JARID2: variants seen among roughly 807,000 people sequenced by gnomAD.
JARID2 encodes jumonji and AT-rich interaction domain containing 2.
A neutral mutation model predicts 125.6 loss-of-function variants in JARID2; 21 were observed. The ratio of observed to expected loss-of-function variants is 0.17; its 90% CI spans 0.12 to 0.24. JARID2 has a LOEUF of 0.24. JARID2 is among the 10% of genes least tolerant of loss of function. The pLI is 1.00. For synonymous variants in JARID2, 736 were observed against 661.6 expected (o/e 1.11, Z -1.73); for missense variants, 1,303 against 1,639.6 (o/e 0.79, Z 3.55).
chr6:15,258,747 A>C (rs986219648), intron 1 of JARID2, among the ~76,000 whole-genome samples: 6 of 152,174 alleles, frequency 3.9e-5, no homozygotes, highest in Non-Finnish European at 7.3e-5. Flanking sequence ...GCGCCACTGC[A>C]CTCCAGCCTG....
At chr6:15,301,567 AT>A (rs1296816839) in intron 1 of JARID2, among the ~76,000 whole-genome samples, 1 of 152,192 alleles carries the variant, frequency 6.6e-6, no homozygotes, top group African/African-American at 2.4e-5. Flanking sequence ...TGAAATGAGT[AT>A]TGTTGACCAC....
chr6:15,428,943 A>ACCCC (rs1484801194), intron 3 of JARID2, among the ~76,000 whole-genome samples: 125 of 127,148 alleles, frequency 9.8e-4, no homozygotes, highest in African/African-American at 3.1e-3. Context: ...CCCCCCCCAA[A>ACCCC]AAAAAAAAAA....
At chr6:15,363,341 G>A (rs1763865230) in intron 1 of JARID2, among the ~76,000 whole-genome samples, 1 of 152,104 alleles carries the variant, frequency 6.6e-6, no homozygotes, top group Admixed American at 6.5e-5. Context: ...AAAGGAGGCT[G>A]TGCACAGTGT....
At chr6:15,367,548 C>G in intron 1 of JARID2, among the ~76,000 whole-genome samples, 1 of 152,334 alleles carries the variant, frequency 6.6e-6, no homozygotes, top group East Asian at 1.9e-4. Context: ...GCTACTAACA[C>G]ATTTCTGAGT....
intron 1 of JARID2, among the ~76,000 whole-genome samples, chr6:15,258,496 G>T (rs940422518): frequency 1.3e-5 from 2 of 152,142 alleles, no homozygotes. Flanking sequence ...TATGAACTGT[G>T]ACTATAGCCG....
intron 1 of JARID2, among the ~76,000 whole-genome samples, chr6:15,313,927 T>C (rs1018967258): frequency 2.0e-5 from 3 of 152,156 alleles, no homozygotes; most frequent in African/African-American, 7.2e-5. Flanking sequence ...AATATCCTTA[T>C]ACCTTCTGCT....
At chr6:15,412,877 T>G (rs1392158457) in intron 3 of JARID2, among the ~76,000 whole-genome samples, 1 of 152,194 alleles carries the variant, frequency 6.6e-6, no homozygotes, top group Non-Finnish European at 1.5e-5. Flanking sequence ...GATGAGAAGT[T>G]GAGCCTAAAG....
At chr6:15,299,573 GA>G (rs1173737924) in intron 1 of JARID2, among the ~76,000 whole-genome samples, 2 of 152,194 alleles carry the variant, frequency 1.3e-5, no homozygotes, top group Admixed American at 6.5e-5. Context: ...GGCCTGCGTT[GA>G]GAACTGCTGG....
At position 15,411,853 on chromosome 6, in the gene JARID2, G is replaced by GA. The variant is rs542848534; in HGVS notation, c.323+1489dup. On this transcript the variant is annotated intron_variant, in intron 3 of 17. Coordinates refer to ENST00000341776, the MANE Select transcript of JARID2 (RefSeq NM_004973.4). ...GGCCATCACCCTCACTTCTGGCTGA[G>GA]AGCTGGTCAGCATCCGGGTGCAGTG... Among the ~76,000 whole-genome samples, 7 of 152,290 alleles carry GA rather than the reference G, an allele frequency of 4.6e-5. 1 individual carries two copies. In the South Asian group the frequency reaches 1.5e-3, roughly 32 times the overall value.
At chr6:15,300,260 A>C (rs1293902551) in intron 1 of JARID2, among the ~76,000 whole-genome samples, 1 of 152,222 alleles carries the variant, frequency 6.6e-6, no homozygotes, top group Non-Finnish European at 1.5e-5. Context: ...GTAAACACTT[A>C]AAAACCTCTA....
At chr6:15,470,161 A>G (rs1482985414) in intron 5 of JARID2, among the ~76,000 whole-genome samples, 2 of 142,356 alleles carry the variant, frequency 1.4e-5, no homozygotes, top group African/African-American at 2.7e-5. Flanking sequence ...TGGGCGACAG[A>G]GCGAGACTCT....
At chr6:15,514,130 A>G (rs1771430717) in intron 16 of JARID2, among the ~76,000 whole-genome samples, 1 of 151,810 alleles carries the variant, frequency 6.6e-6, no homozygotes, top group Admixed American at 6.6e-5. Context: ...GTTCCAGCCC[A>G]GAGGTGGGCT....
chr6:15,292,165 C>T (rs11759828), intron 1 of JARID2, among the ~76,000 whole-genome samples: 5,314 of 151,952 alleles, frequency 0.035, 145 homozygotes, highest in South Asian at 0.11. Context: ...CACAGACGCC[C>T]GCCACCTCGC....
chr6:15,381,341 CAAAAAA>C (rs11358363), intron 2 of JARID2, among the ~76,000 whole-genome samples: 1 of 92,976 alleles, frequency 1.1e-5, no homozygotes, highest in African/African-American at 4.3e-5. Flanking sequence ...ACTCCTGTCT[CAAAAAA>C]AAAAAAAAAA....
chr6:15,283,407 C>T (rs1211354701), intron 1 of JARID2, among the ~76,000 whole-genome samples: 3 of 143,652 alleles, frequency 2.1e-5, no homozygotes, highest in Admixed American at 7.1e-5. Context: ...ATAGCGTGAT[C>T]GCGGCTTACT....
chr6:15,355,793 G>A (rs994463044), intron 1 of JARID2, among the ~76,000 whole-genome samples: 6 of 152,188 alleles, frequency 3.9e-5, no homozygotes, highest in Non-Finnish European at 8.8e-5. Flanking sequence ...TGTATTTTTA[G>A]TAGAGACGGG....
chr6:15,281,921 G>GCT (rs898214244), intron 1 of JARID2, among the ~76,000 whole-genome samples: 3 of 129,078 alleles, frequency 2.3e-5, no homozygotes, highest in East Asian at 2.3e-4. Flanking sequence ...CAGGGTATGT[G>GCT]CTCTGTGTGT....
intron 4 of JARID2, among the ~76,000 whole-genome samples, chr6:15,453,529 G>C (rs1768014225): frequency 6.6e-6 from 1 of 152,150 alleles, no homozygotes; most frequent in African/African-American, 2.4e-5. Flanking sequence ...GACTGTGGTG[G>C]GCCTGTTAGG....
intron 3 of JARID2, among the ~76,000 whole-genome samples, chr6:15,451,511 A>G (rs1014443801): frequency 1.3e-5 from 2 of 152,228 alleles, no homozygotes; most frequent in African/African-American, 4.8e-5. Flanking sequence ...CGACAGGGAC[A>G]CTGATGGCTA....
Sources: allele counts gnomAD v4.1 joint callset (sites outside exome capture counted in the v4.1 genomes callset), GRCh38; gene constraint gnomAD v4.1.1; transcripts MANE v1.5; gene names NCBI Gene and HGNC (gene_info 2026-07-23, HGNC 2026-07-21).